FAAH2: variants seen among roughly 807,000 people sequenced by gnomAD.
FAAH2 encodes the protein fatty acid amide hydrolase 2, also known as fatty-acid amide hydrolase 2.
Under a neutral mutation model 36.9 loss-of-function variants are expected in FAAH2, and 60 were observed. The observed-to-expected ratio is 1.63, with a 90% CI of 1.32 to 2.02. The LOEUF (loss-of-function observed/expected upper bound fraction) is 2.02. Ranked by LOEUF, FAAH2 falls within the 30% of genes most tolerant of loss-of-function variation. The probability of loss-of-function intolerance (pLI) is 0.00; values close to 1 mark genes in which losing one functional copy is unlikely to be tolerated. For missense variants in FAAH2, 689 were observed against 397.5 expected (o/e 1.73, Z -6.23); for synonymous variants, 214 against 143.8 (o/e 1.49, Z -3.49).
At chrX:57,199,281 GT>G in the FAAH2 span, among the ~76,000 whole-genome samples, 3 of 109,792 alleles carry the variant, frequency 2.7e-5, no homozygotes, top group Admixed American at 1.9e-4. Context: ...GGTATGTTGT[GT>G]TTTTTTTATC....
Position 57,429,430 on chromosome X carries a change from T to C in FAAH2, c.997-2488T>C, listed in dbSNP as rs758968148. 2.0e-4 allele frequency among the ~76,000 whole-genome samples: 22 copies of C among 108,361 alleles called. No homozygotes were observed. The South Asian group carries it at 8.5e-3, about 42-fold the overall frequency. 94.1% of individuals were successfully genotyped at this position (108,361 alleles called of 115,157 possible). A position where few individuals can be genotyped will look rare whatever the true frequency, so the allele number is the denominator to read the frequency against. On this transcript the variant is annotated intron_variant, in intron 7 of 10. Transcript: ENST00000374900. ...GACATACAAATGGCCAACAAACACA[T>C]AAAAAACTGCTTAACATTATTAATC...
At chrX:57,349,977 T>A (rs1050583717) in intron 5 of FAAH2, among the ~76,000 whole-genome samples, 2 of 110,677 alleles carry the variant, frequency 1.8e-5, no homozygotes, top group Admixed American at 9.6e-5. Flanking sequence ...CTAAAGTCAG[T>A]GTGAACAATG....
Position 57,440,504 on chromosome X carries a change from G to A in FAAH2, c.1117-6424G>A, listed in dbSNP as rs187495470. Among the ~76,000 whole-genome samples, 15 of 111,650 alleles carry A rather than the reference G, an allele frequency of 1.3e-4. No individual in the cohort carries two copies. The East Asian group carries it at 4.0e-3, about 29-fold the overall frequency. ...TATCAGCTTAAGGAGATTTTGGGCTGATAGGATGGAGTTTTCTATATATAC... is the reference window on the plus strand; with the variant it reads ...TATCAGCTTAAGGAGATTTTGGGCTAATAGGATGGAGTTTTCTATATATAC... On this transcript the variant is annotated intron_variant, in intron 8 of 10. Coordinates refer to ENST00000374900, the MANE Select transcript of FAAH2 (RefSeq NM_174912.4).
intron 7 of FAAH2, among the ~76,000 whole-genome samples, chrX:57,406,585 A>T (rs1027604772): frequency 4.4e-5 from 5 of 112,577 alleles, no homozygotes; most frequent in Non-Finnish European, 7.5e-5. Flanking sequence ...CCCCTGACAC[A>T]GGGATCATAA....
intron 5 of FAAH2, among the ~76,000 whole-genome samples, chrX:57,357,090 T>A (rs2054176069): frequency 9.0e-6 from 1 of 111,575 alleles, no homozygotes; most frequent in Admixed American, 9.6e-5. Context: ...GTTTCCAGAT[T>A]TCCTATTTAA....
intron 7 of FAAH2, chrX:57,393,547 A>G: frequency 1.0e-6 from 1 of 973,375 alleles, no homozygotes; most frequent in Non-Finnish European, 1.5e-6. Context: ...CTGCATGGAC[A>G]AACACTGGAG....
chrX:57,345,661 T>G (rs910777703), intron 5 of FAAH2, among the ~76,000 whole-genome samples: 1 of 111,567 alleles, frequency 9.0e-6, no homozygotes, highest in Admixed American at 9.6e-5. Context: ...TATTTTCTAC[T>G]GCAAGCTTTG....
chrX:57,303,888 G>A (rs1252717753), intron 2 of FAAH2, among the ~76,000 whole-genome samples: 1 of 111,782 alleles, frequency 8.9e-6, no homozygotes, highest in Non-Finnish European at 1.9e-5. Context: ...CTGAAATCTA[G>A]CTTCTGTTCC....
chrX:57,311,652 T>A (rs1247100556), intron 3 of FAAH2, among the ~76,000 whole-genome samples: 1 of 112,020 alleles, frequency 8.9e-6, no homozygotes, highest in Non-Finnish European at 1.9e-5. Flanking sequence ...GCCAGCTTCT[T>A]CATGGGACTG....
intron 8 of FAAH2, among the ~76,000 whole-genome samples, chrX:57,442,812 C>G (rs183682150): frequency 9.0e-6 from 1 of 111,383 alleles, no homozygotes; most frequent in Non-Finnish European, 1.9e-5. Context: ...CTGGTGGTGA[C>G]AAAATCTCTC....
intron 4 of FAAH2, among the ~76,000 whole-genome samples, chrX:57,336,878 A>G (rs924204987): frequency 3.6e-5 from 4 of 111,182 alleles, no homozygotes; most frequent in African/African-American, 1.3e-4. Flanking sequence ...CTAGGAGAAG[A>G]CAAGAAATAA....
At chrX:57,378,568 A>G (rs758711451) in intron 5 of FAAH2, 83 bp from the exon 6 acceptor site, 2 of 1,125,106 alleles carry the variant, frequency 1.8e-6, no homozygotes, top group South Asian at 2.0e-5. Flanking sequence ...AGTATTTAAG[A>G]TAGATTAAAC....
intron 7 of FAAH2, among the ~76,000 whole-genome samples, chrX:57,415,261 T>G (rs942579903): frequency 6.3e-5 from 7 of 111,495 alleles, no homozygotes; most frequent in African/African-American, 2.3e-4. Flanking sequence ...TCTTGTCTTC[T>G]GCTAGCTTTT....
chrX:57,258,198 G>A, the FAAH2 span, among the ~76,000 whole-genome samples: 1 of 111,086 alleles, frequency 9.0e-6, no homozygotes, highest in Admixed American at 9.6e-5. Context: ...AATAAGAAAA[G>A]GATAGTGTGA....
chrX:57,198,082 G>A, the FAAH2 span, among the ~76,000 whole-genome samples: 2 of 111,399 alleles, frequency 1.8e-5, no homozygotes, highest in African/African-American at 3.3e-5. Context: ...CCCTAAGGTG[G>A]CCTGAATAAG....
At chrX:57,352,064 A>G (rs775882547) in intron 5 of FAAH2, among the ~76,000 whole-genome samples, 23,109 of 43,953 alleles carry the variant, frequency 0.53, 7,477 homozygotes, top group Non-Finnish European at 0.69. Context: ...ATATATATAT[A>G]TACACATATA....
At chrX:57,422,285 G>A (rs1002313584) in intron 7 of FAAH2, among the ~76,000 whole-genome samples, 1 of 111,851 alleles carries the variant, frequency 8.9e-6, no homozygotes, top group African/African-American at 3.3e-5. Context: ...ATGGGGATGT[G>A]ATGGGAATTA....
At chrX:57,382,507 C>A (rs2054880521) in intron 7 of FAAH2, among the ~76,000 whole-genome samples, 1 of 111,600 alleles carries the variant, frequency 9.0e-6, no homozygotes, top group African/African-American at 3.3e-5. Flanking sequence ...ACCACCAATC[C>A]CACAGAAGTA....
the FAAH2 span, among the ~76,000 whole-genome samples, chrX:57,158,924 C>CT: frequency 9.3e-4 from 104 of 112,161 alleles, no homozygotes; most frequent in African/African-American, 3.2e-3. Flanking sequence ...TTGCCCATGC[C>CT]ATGTCCTGAA....
Sources: allele counts gnomAD v4.1 joint callset (sites outside exome capture counted in the v4.1 genomes callset), GRCh38; gene constraint gnomAD v4.1.1; transcripts MANE v1.5; gene names NCBI Gene and HGNC (gene_info 2026-07-23, HGNC 2026-07-21).